The following SSTR3 variants were observed in gnomAD, a reference collection of about 807,000 sequenced individuals.
SSTR3 encodes the protein somatostatin receptor type 3.
For missense variants in SSTR3, 504 were observed against 604.7 expected, an observed-to-expected ratio of 0.83 and a Z score of 1.75; for synonymous variants, 281 against 269.2, an observed-to-expected ratio of 1.04 and a Z score of -0.43.
chr22:37,218,205 T>C, the SSTR3 span, among the ~76,000 whole-genome samples: 5 of 152,248 alleles, frequency 3.3e-5, no homozygotes, highest in Admixed American at 2.0e-4. Context: ...TTTGGGGCAA[T>C]GCTATCATTA....
At position 37,207,783 on chromosome 22, in the gene SSTR3, T is replaced by C; in HGVS notation, c.21A>G (p.Ser7=). ...CAGGTTCTGAGGTCGTGGACACCGA[T>C]GATGGATGAAGCATGTCCATGGCTG... The part of the protein sequence containing the change: MDMLHP[S]SVSTTSEPEN... Residue 7 remains serine (S), a synonymous_variant, in exon 2 of 2, where the codon TCA becomes TCG. Coordinates refer to ENST00000610913, the MANE Select transcript of SSTR3 (RefSeq NM_001051.5). The C allele has an allele frequency of 6.6e-7, 1 of 1,511,890 alleles. No individual in the cohort carries two copies. Among genetic ancestry groups the C allele is most frequent in the Non-Finnish European group, 8.9e-7 (1 of 1,129,836 alleles). The allele number at this position is 1,511,890 out of a possible 1,614,324, so 93.7% of individuals were successfully genotyped here. A position where few individuals can be genotyped will look rare whatever the true frequency, so the allele number is the denominator to read the frequency against.
At chr22:37,210,823 A>G (rs746452734) in intron 1 of SSTR3, 23 of 985,510 alleles carry the variant, frequency 2.3e-5, no homozygotes, top group African/African-American at 3.5e-5. Context: ...CTGGCTCTTG[A>G]AGGCAGGGGC....
At chr22:37,218,132 T>A in the SSTR3 span, among the ~76,000 whole-genome samples, 1 of 152,254 alleles carries the variant, frequency 6.6e-6, no homozygotes, top group Non-Finnish European at 1.5e-5. Context: ...CACTGCATCA[T>A]CTTTATTGCT....
chr22:37,213,148 C>T (rs1926288439), upstream of SSTR3, among the ~76,000 whole-genome samples: 1 of 152,176 alleles, frequency 6.6e-6, no homozygotes, highest in Non-Finnish European at 1.5e-5. Flanking sequence ...AATGTTCATC[C>T]GTAAAAACCA....
rs149653272 is a variant in SSTR3, at chr22:37,207,615, C to T, written c.189G>A (p.Ser63=). ...GCCGCAGGACCACATAGATGACCAGCGAGTTACCCAGCAGGCCCACCACGC... is the reference window on the plus strand; with the variant it reads ...GCCGCAGGACCACATAGATGACCAGTGAGTTACCCAGCAGGCCCACCACGC... The part of the protein sequence containing the change: ...VVCVVGLLGN[S]LVIYVVLRHT... Residue 63 remains serine (S), a synonymous_variant, in exon 2 of 2, where the codon TCG becomes TCA. Coordinates refer to ENST00000610913, the MANE Select transcript of SSTR3 (RefSeq NM_001051.5). 3.5e-3 allele frequency: 5,695 copies of T among 1,605,072 alleles called. 14 individuals carry two copies. Among genetic ancestry groups the T allele is most frequent in the Non-Finnish European group, 4.4e-3 (5,196 of 1,173,484 alleles).
rs1446549770 is a variant in SSTR3, at chr22:37,205,588, G to A, written c.*959C>T. ...TCGGTCTCCAGGAAGGGAGAATATG[G>A]GTCACAAGGAGAGGAACAGGGATGG... On this transcript the variant is annotated 3_prime_UTR_variant, in exon 2 of 2. Coordinates refer to ENST00000610913, the MANE Select transcript of SSTR3 (RefSeq NM_001051.5). The A allele has an allele frequency of 6.6e-6, 1 of 152,208 alleles. No individual in the cohort carries two copies. The highest frequency in any genetic ancestry group is 2.4e-5 in the African/African-American group (1 of 41,412). The allele number at this position is 152,208 out of a possible 1,614,324, so 9.4% of individuals were successfully genotyped here.
chr22:37,214,472 A>G (rs1926351220), upstream of SSTR3, among the ~76,000 whole-genome samples: 1 of 152,188 alleles, frequency 6.6e-6, no homozygotes. Context: ...CCTGGTACAA[A>G]AGCCTTTATG....
chr22:37,210,540 C>T (rs1926129640), intron 1 of SSTR3: 9 of 985,520 alleles, frequency 9.1e-6, no homozygotes, highest in Non-Finnish European at 1.1e-5. Context: ...GCACGTAAGC[C>T]AGACCTGCAA....
chr22:37,210,806 T>C, intron 1 of SSTR3: 1 of 985,528 alleles, frequency 1.0e-6, no homozygotes, highest in Non-Finnish European at 1.2e-6. Flanking sequence ...TCCCACCCGC[T>C]AGAACACTGG....
At position 37,206,733 on chromosome 22, in the gene SSTR3, A is replaced by C. The variant is rs1601651487; in HGVS notation, c.1071T>G (p.Asp357Glu). 6.3e-7 allele frequency: 1 copy of C among 1,597,506 alleles called. No homozygotes were observed. The highest frequency in any genetic ancestry group is 8.5e-7 in the Non-Finnish European group (1 of 1,174,372). ...KTEEEDEEEE[D>E]GEESREGGKG... is the part of the protein sequence containing the mutation. ...TGCCCCCCTCCCTGCTCTCCTCCCC[A>C]TCCTCCTCCTCCTCATCCTCCTCCT... Residue 357 changes from aspartate to glutamate, a missense_variant, in exon 2 of 2, where the codon GAT becomes GAG. Asp to Glu is a conservative substitution (Grantham distance 45). Transcript: ENST00000610913.
chr22:37,208,940 C>T (rs1926022629), intron 1 of SSTR3, among the ~76,000 whole-genome samples: 1 of 152,192 alleles, frequency 6.6e-6, no homozygotes, highest in African/African-American at 2.4e-5. Context: ...TGAGGAAAGC[C>T]ACGCTCAGGA....
At chr22:37,210,803 C>T (rs575896163) in intron 1 of SSTR3, 118 of 985,542 alleles carry the variant, frequency 1.2e-4, no homozygotes, top group African/African-American at 2.3e-4. Flanking sequence ...ATCTCCCACC[C>T]GCTAGAACAC....
At chr22:37,215,203 A>G (rs925386558), upstream of SSTR3, among the ~76,000 whole-genome samples, 4 of 152,094 alleles carry the variant, frequency 2.6e-5, no homozygotes, top group Non-Finnish European at 4.4e-5. Context: ...GAACCTGTAT[A>G]TATATGCTAT....
chr22:37,213,412 G>A (rs1459676087), upstream of SSTR3, among the ~76,000 whole-genome samples: 1 of 152,232 alleles, frequency 6.6e-6, no homozygotes, highest in Non-Finnish European at 1.5e-5. Flanking sequence ...GCTGTACCTA[G>A]GCTGCTTTCC....
chr22:37,215,823 G>C (rs1351897029), upstream of SSTR3: 13 of 291,586 alleles, frequency 4.5e-5, no homozygotes, highest in Admixed American at 2.1e-4. Flanking sequence ...ATCCACTGGG[G>C]AATGGGACAA....
chr22:37,211,683 C>T, intron 1 of SSTR3, 142 bp downstream of exon 1: 1 of 888,322 alleles, frequency 1.1e-6, no homozygotes, highest in Non-Finnish European at 1.3e-6. Context: ...ACCGGGAGGT[C>T]ACAGGAAGGC....
intron 1 of SSTR3, chr22:37,211,085 C>T (rs973781071): frequency 3.5e-6 from 2 of 564,968 alleles, no homozygotes; most frequent in East Asian, 2.9e-4. Context: ...AGCCAGAATT[C>T]GAACCCAGTT....
Position 37,207,171 on chromosome 22 carries a change from G to A in SSTR3, c.633C>T (p.Ala211=), listed in dbSNP as rs35799322. ...GCAGCGGCCCGAAGAAGCCCAGTGC[G>A]GCCGTGTAGATGATGAAGCCGGCTC... ...AWRAGFIIYT[A]ALGFFGPLLV... is the part of the protein sequence containing the mutation. The change falls in exon 2 of 2, where the codon GCC becomes GCT. Residue 211 remains alanine, a synonymous_variant. Coordinates refer to ENST00000610913, the MANE Select transcript of SSTR3 (RefSeq NM_001051.5). The A allele has an allele frequency of 2.1e-5, 34 of 1,612,382 alleles. No homozygotes were observed. The highest frequency in any genetic ancestry group is 1.6e-4 in the Middle Eastern group (1 of 6,062).
upstream of SSTR3, among the ~76,000 whole-genome samples, chr22:37,214,828 G>A (rs1926369411): frequency 6.6e-6 from 1 of 152,194 alleles, no homozygotes; most frequent in South Asian, 2.1e-4. Context: ...CCCATGTAAC[G>A]AGCCTCAGCC....
Sources: allele counts gnomAD v4.1 joint callset (sites outside exome capture counted in the v4.1 genomes callset), GRCh38; gene constraint gnomAD v4.1.1; transcripts MANE v1.5; gene names NCBI Gene and HGNC (gene_info 2026-07-23, HGNC 2026-07-21).